Variants in PRKN observed in about 807,000 individuals in gnomAD.
The protein encoded by PRKN is E3 ubiquitin-protein ligase parkin.
PRKN carries 56 observed loss-of-function variants against 59.5 expected under a neutral mutation model. That is an observed-to-expected ratio of 0.94 (90% CI 0.76 to 1.18). PRKN has a LOEUF of 1.18. Ranked by LOEUF, PRKN falls within the 50% of genes most tolerant of loss-of-function variation. The pLI, the probability that PRKN is intolerant of heterozygous loss-of-function variation, is 0.00. For synonymous variants in PRKN, 250 were observed against 222.1 expected, an observed-to-expected ratio of 1.13 and a Z score of -1.12; for missense variants, 657 against 596.4, an observed-to-expected ratio of 1.10 and a Z score of -1.06.
At chr6:162,702,710 GCTGT>G (rs1426103235) in intron 1 of PRKN, among the ~76,000 whole-genome samples, 1 of 152,154 alleles carries the variant, frequency 6.6e-6, no homozygotes, top group African/African-American at 2.4e-5. Flanking sequence ...TTTACAGCAG[GCTGT>G]CTACCTTATC....
chr6:161,567,621 C>T (rs1780706118), intron 8 of PRKN, among the ~76,000 whole-genome samples: 2 of 152,010 alleles, frequency 1.3e-5, no homozygotes, highest in African/African-American at 2.4e-5. Flanking sequence ...ATCAATATTG[C>T]TCTGATGCAC....
chr6:161,831,037 T>C (rs1056396506), intron 6 of PRKN, among the ~76,000 whole-genome samples: 1 of 152,178 alleles, frequency 6.6e-6, no homozygotes, highest in Non-Finnish European at 1.5e-5. Context: ...GATCCCTTTT[T>C]ATCAACAGGA....
At chr6:161,613,358 T>C (rs1030059353) in intron 7 of PRKN, among the ~76,000 whole-genome samples, 3 of 148,166 alleles carry the variant, frequency 2.0e-5, no homozygotes, top group Non-Finnish European at 3.0e-5. Flanking sequence ...TTCTTATGGA[T>C]GCGCAAAGAT....
chr6:162,076,104 G>A (rs756256031), intron 4 of PRKN, among the ~76,000 whole-genome samples: 5 of 151,792 alleles, frequency 3.3e-5, no homozygotes, highest in Admixed American at 6.6e-5. Context: ...TAGTAGCTGG[G>A]ATTATAGGCA....
intron 6 of PRKN, among the ~76,000 whole-genome samples, chr6:161,857,183 C>T (rs551110223): frequency 6.6e-6 from 1 of 152,246 alleles, no homozygotes; most frequent in African/African-American, 2.4e-5. Context: ...GAGCCAAGAT[C>T]GAACCACGGA....
intron 1 of PRKN, among the ~76,000 whole-genome samples, chr6:162,473,736 G>T (rs1791870651): frequency 6.6e-6 from 1 of 151,952 alleles, no homozygotes; most frequent in Non-Finnish European, 1.5e-5. Flanking sequence ...GTCCATATGT[G>T]GCTAACGGCT....
chr6:162,633,308 G>A (rs924726717), intron 1 of PRKN, among the ~76,000 whole-genome samples: 3 of 151,628 alleles, frequency 2.0e-5, no homozygotes, highest in Non-Finnish European at 2.9e-5. Flanking sequence ...GGTGGTAGGT[G>A]CCTGTAAGCC....
At chr6:162,665,572 T>A (rs1001141916) in intron 1 of PRKN, among the ~76,000 whole-genome samples, 2 of 152,106 alleles carry the variant, frequency 1.3e-5, no homozygotes, top group African/African-American at 4.8e-5. Flanking sequence ...CCCTCATGGA[T>A]AGGAACAATC....
intron 2 of PRKN, among the ~76,000 whole-genome samples, chr6:162,277,424 C>T (rs1780681895): frequency 6.6e-6 from 1 of 152,092 alleles, no homozygotes; most frequent in African/African-American, 2.4e-5. Context: ...ACAACTGACC[C>T]TTACAATTCA....
chr6:162,485,074 T>C (rs1229146823), intron 1 of PRKN, among the ~76,000 whole-genome samples: 1 of 152,232 alleles, frequency 6.6e-6, no homozygotes, highest in African/African-American at 2.4e-5. Context: ...ATACATTTTA[T>C]ATAATTTCAG....
At chr6:162,463,027 C>A (rs75171290) in intron 1 of PRKN, among the ~76,000 whole-genome samples, 4,929 of 151,934 alleles carry the variant, frequency 0.032, 210 homozygotes, top group East Asian at 0.16. Flanking sequence ...TGAGATCGCA[C>A]CATTGCACTC....
At position 161,448,349 on chromosome 6, in the gene PRKN, A is replaced by G. The variant is rs1789586737; in HGVS notation, c.1084-61472T>C. 6.6e-6 allele frequency among the ~76,000 whole-genome samples: 1 copy of G among 152,214 alleles called. No individual in the cohort carries two copies. Among genetic ancestry groups the G allele is most frequent in the Non-Finnish European group, 1.5e-5 (1 of 68,038 alleles). On this transcript the variant is annotated intron_variant, in intron 9 of 11. Transcript: ENST00000366898. This position sits in a 1 kb window ranked among gnomAD's most constrained non-coding sequence, Gnocchi z 5.1. ...TTGATTATTTTAGATGGACATATAC[A>G]CATGCATATACACGTATGTGTACAT...
In PRKN at chr6:161,355,794, C is replaced by T. The variant is rs775516144; in HGVS notation, c.1285+4294G>A. ...AGACGGTCAAGGTCCCTGATCTCACCGGCTTATGTTCTAAAGAGCGACAGA... is the reference window on the plus strand; with the variant it reads ...AGACGGTCAAGGTCCCTGATCTCACTGGCTTATGTTCTAAAGAGCGACAGA... On this transcript the variant is annotated intron_variant, in intron 11 of 11. Transcript: ENST00000366898. The surrounding 1 kb of genome is among the most constrained non-coding windows in gnomAD (Gnocchi z 6.8). 2.0e-5 allele frequency among the ~76,000 whole-genome samples: 3 copies of T among 152,134 alleles called. No individual in the cohort carries two copies. The highest frequency in any genetic ancestry group is 2.1e-4 in the South Asian group (1 of 4,828).
intron 1 of PRKN, among the ~76,000 whole-genome samples, chr6:162,687,946 T>C (rs988739378): frequency 3.9e-5 from 6 of 152,106 alleles, no homozygotes; most frequent in Admixed American, 3.3e-4. Context: ...AAAAGGAACA[T>C]TTTGAGGATC....
chr6:161,921,580 C>A (rs1481646036), intron 6 of PRKN, among the ~76,000 whole-genome samples: 1 of 152,184 alleles, frequency 6.6e-6, no homozygotes, highest in African/African-American at 2.4e-5. Context: ...ATTGCAACAG[C>A]TACAGTGTCA....
chr6:162,396,453 C>T (rs905008958), intron 2 of PRKN, among the ~76,000 whole-genome samples: 1 of 151,982 alleles, frequency 6.6e-6, no homozygotes, highest in Non-Finnish European at 1.5e-5. Flanking sequence ...TATCACTTCC[C>T]AGCCAGAGCA....
chr6:162,363,911 T>A (rs1785282927), intron 2 of PRKN, among the ~76,000 whole-genome samples: 1 of 152,174 alleles, frequency 6.6e-6, no homozygotes, highest in Non-Finnish European at 1.5e-5. Context: ...ACAAAAGGCT[T>A]GCATGCGGCT....
intron 1 of PRKN, among the ~76,000 whole-genome samples, chr6:162,536,909 C>T (rs1230134122): frequency 6.6e-6 from 1 of 152,046 alleles, no homozygotes; most frequent in African/African-American, 2.4e-5. Context: ...ATATGTAAGT[C>T]TATACATATA....
At chr6:162,152,769 G>A (rs1429252234) in intron 4 of PRKN, among the ~76,000 whole-genome samples, 2 of 152,124 alleles carry the variant, frequency 1.3e-5, no homozygotes. Flanking sequence ...GACTCAACTA[G>A]GAAATATCAG....
Sources: gnomAD v4.1 joint callset for allele counts (sites outside exome capture counted in the v4.1 genomes callset) on GRCh38, gnomAD v4.1.1 for gene constraint, Gnocchi (gnomAD v3.1) non-coding constraint, MANE v1.5 for transcripts, NCBI Gene and HGNC (gene_info 2026-07-23, HGNC 2026-07-21) for gene names.